The following SV2C variants were observed in gnomAD, a reference collection of about 807,000 sequenced individuals.
SV2C encodes the protein solute carrier family 22 member B3.
A neutral mutation model predicts 79.7 loss-of-function variants in SV2C; 49 were observed. The observed-to-expected ratio is 0.61, with a 90% CI of 0.49 to 0.78. The LOEUF (loss-of-function observed/expected upper bound fraction) is 0.78, where lower values mean the gene tolerates loss of function less well. SV2C is among the 30% of genes least tolerant of loss of function. The pLI, the probability that SV2C is intolerant of heterozygous loss-of-function variation, is 0.00. For synonymous variants in SV2C, 334 were observed against 333.2 expected (o/e 1.00, Z -0.03); for missense variants, 833 against 912.9 (o/e 0.91, Z 1.13).
Position 76,226,548 on chromosome 5 carries a change from T to A in SV2C, c.913+16661T>A, listed in dbSNP as rs116183319. ...ATAGAGATACAATTTACACATGTGG[T>A]AAGTAGAATAATGGTCTCCCAAAGA... On this transcript the variant is annotated intron_variant, in intron 4 of 12. Transcript: ENST00000502798. Among the ~76,000 whole-genome samples the A allele has an allele frequency of 1.8e-3, 279 of 152,332 alleles. 1 individual carries two copies. The highest frequency in any genetic ancestry group is 6.4e-3 in the African/African-American group (267 of 41,570).
chr5:76,242,907 A>G (rs548208990), intron 4 of SV2C, among the ~76,000 whole-genome samples: 4 of 150,502 alleles, frequency 2.7e-5, no homozygotes, highest in African/African-American at 9.7e-5. Context: ...CCAGCTACTC[A>G]GAAGGCTGAG....
At chr5:76,268,998 G>C (rs753910400) in intron 4 of SV2C, among the ~76,000 whole-genome samples, 26 of 152,222 alleles carry the variant, frequency 1.7e-4, no homozygotes, top group Non-Finnish European at 2.9e-4. Flanking sequence ...AAGTTTCGAA[G>C]TATCCTCAAG....
At chr5:76,205,754 A>G (rs1332048322) in intron 3 of SV2C, among the ~76,000 whole-genome samples, 2 of 150,906 alleles carry the variant, frequency 1.3e-5, no homozygotes, top group African/African-American at 5.0e-5. Flanking sequence ...TTTCCACATT[A>G]GCCCCCCACT....
intron 3 of SV2C, among the ~76,000 whole-genome samples, chr5:76,204,494 T>G (rs1744549684): frequency 6.6e-6 from 1 of 152,238 alleles, no homozygotes; most frequent in Non-Finnish European, 1.5e-5. Flanking sequence ...ATGTCCCATC[T>G]TCCAGTGGAA....
the SV2C span, among the ~76,000 whole-genome samples, chr5:76,059,874 T>G: frequency 6.6e-6 from 1 of 152,130 alleles, no homozygotes; most frequent in Non-Finnish European, 1.5e-5. Context: ...TACTAAGACT[T>G]GAAAACTGAA....
chr5:75,996,445 T>G, the SV2C span, among the ~76,000 whole-genome samples: 11 of 152,290 alleles, frequency 7.2e-5, no homozygotes, highest in African/African-American at 1.7e-4. Context: ...TCTTTTGGCT[T>G]AGGATTGACT....
the SV2C span, among the ~76,000 whole-genome samples, chr5:75,901,518 G>T: frequency 6.6e-6 from 1 of 152,218 alleles, no homozygotes; most frequent in African/African-American, 2.4e-5. Flanking sequence ...TCCCCATTAG[G>T]CTGCTCAGGG....
the SV2C span, among the ~76,000 whole-genome samples, chr5:76,066,837 T>C: frequency 6.7e-6 from 1 of 149,158 alleles, no homozygotes; most frequent in Admixed American, 6.7e-5. Flanking sequence ...GAAATTGCTC[T>C]CAGACTTCAT....
chr5:76,260,463 A>G (rs1017416075), intron 4 of SV2C, among the ~76,000 whole-genome samples: 2 of 152,052 alleles, frequency 1.3e-5, no homozygotes, highest in Non-Finnish European at 2.9e-5. Context: ...CCAGTTTGTC[A>G]ATTTTGGCTT....
At chr5:76,054,143 T>C in the SV2C span, among the ~76,000 whole-genome samples, 8 of 152,102 alleles carry the variant, frequency 5.3e-5, no homozygotes, top group Middle Eastern at 3.4e-3. Flanking sequence ...TCTCCCTCCC[T>C]TTACCCACCC....
At chr5:75,995,493 A>G in the SV2C span, among the ~76,000 whole-genome samples, 2 of 152,180 alleles carry the variant, frequency 1.3e-5, no homozygotes, top group Non-Finnish European at 2.9e-5. Context: ...ATGGAAATGC[A>G]GTATATTAAA....
chr5:75,881,648 G>A, the SV2C span, among the ~76,000 whole-genome samples: 1 of 152,104 alleles, frequency 6.6e-6, no homozygotes, highest in African/African-American at 2.4e-5. Flanking sequence ...CGTTGATTTT[G>A]TATCCTGAGA....
intron 4 of SV2C, among the ~76,000 whole-genome samples, chr5:76,239,733 G>T (rs1745724553): frequency 4.6e-5 from 7 of 152,312 alleles, no homozygotes; most frequent in Admixed American, 3.9e-4. Flanking sequence ...AGTGATCAAA[G>T]AGTAACTAAG....
At chr5:76,348,680 C>A (rs1204120420) in intron 12 of SV2C, among the ~76,000 whole-genome samples, 1 of 152,174 alleles carries the variant, frequency 6.6e-6, no homozygotes, top group African/African-American at 2.4e-5. Flanking sequence ...AAAGCTAAAT[C>A]TTTAGGTGCC....
the SV2C span, among the ~76,000 whole-genome samples, chr5:75,933,792 C>A: frequency 1.4e-4 from 21 of 152,204 alleles, no homozygotes; most frequent in Admixed American, 1.4e-3. Flanking sequence ...TATCATCTGT[C>A]CAAGCTTTAT....
chr5:75,876,603 T>C, the SV2C span, among the ~76,000 whole-genome samples: 1 of 152,010 alleles, frequency 6.6e-6, no homozygotes, highest in South Asian at 2.1e-4. Context: ...CTAGAGATGA[T>C]AAAGTAATAA....
downstream of SV2C, among the ~76,000 whole-genome samples, chr5:76,336,724 C>T (rs558686975): frequency 1.1e-3 from 165 of 152,316 alleles, 4 homozygotes; most frequent in South Asian, 0.033. Context: ...AACCCCGTCT[C>T]CACCAAAAAA....
chr5:76,151,657 G>A (rs989626157), intron 2 of SV2C, among the ~76,000 whole-genome samples: 3 of 152,196 alleles, frequency 2.0e-5, no homozygotes, highest in Non-Finnish European at 4.4e-5. Flanking sequence ...CAGACCAGGC[G>A]TTATGCCTTA....
At chr5:76,344,975 T>C (rs567957369) in intron 12 of SV2C, among the ~76,000 whole-genome samples, 1 of 152,312 alleles carries the variant, frequency 6.6e-6, no homozygotes, top group South Asian at 2.1e-4. Context: ...AGTTGTTCAA[T>C]CTTATTCTAA....
Sources: allele counts gnomAD v4.1 joint callset (sites outside exome capture counted in the v4.1 genomes callset), GRCh38; gene constraint gnomAD v4.1.1; transcripts MANE v1.5; gene names NCBI Gene and HGNC (gene_info 2026-07-23, HGNC 2026-07-21).